FMN2: variants seen among roughly 807,000 people sequenced by gnomAD.
FMN2 encodes formin 2, also known as formin-2.
FMN2 carries 51 observed loss-of-function variants against 142.3 expected under a neutral mutation model. The ratio of observed to expected loss-of-function variants is 0.36; its 90% CI spans 0.29 to 0.45. The LOEUF is 0.45. Ranked by LOEUF, FMN2 falls within the 20% of genes least tolerant of loss-of-function variation. The probability of loss-of-function intolerance (pLI) is 1.00; values close to 1 mark genes in which losing one functional copy is unlikely to be tolerated. For missense variants in FMN2, 1,936 were observed against 2,122.8 expected (o/e 0.91, Z 1.73); for synonymous variants, 882 against 869.8 (o/e 1.01, Z -0.25).
intron 1 of FMN2, among the ~76,000 whole-genome samples, chr1:240,102,678 G>T (rs1661455434): frequency 6.6e-6 from 1 of 152,016 alleles, no homozygotes; most frequent in African/African-American, 2.4e-5. Context: ...TTCTTTCAGG[G>T]TATAGGGATT....
intron 15 of FMN2, among the ~76,000 whole-genome samples, chr1:240,429,486 A>G (rs978682055): frequency 2.6e-5 from 4 of 152,268 alleles, no homozygotes; most frequent in Non-Finnish European, 2.9e-5. Flanking sequence ...CGTAATTTGT[A>G]AACATTAAAA....
rs140226992 is a variant in FMN2, at chr1:240,269,464, A to C, written c.4153+11432A>C. 8.2e-3 allele frequency among the ~76,000 whole-genome samples: 1,245 copies of C among 152,110 alleles called. 19 individuals carry two copies. The highest frequency in any genetic ancestry group is 0.028 in the African/African-American group (1,162 of 41,520). On this transcript the variant is annotated intron_variant, in intron 7 of 17. Transcript: ENST00000319653. Reference sequence around the variant, plus strand: ...TACTATAGCTTTGTAATATATTTTCAAATCTGGTTGTGTGATTTCTCTGGT... The same window carrying C: ...TACTATAGCTTTGTAATATATTTTCCAATCTGGTTGTGTGATTTCTCTGGT...
Position 240,362,577 on chromosome 1 carries a change from A to G in FMN2, c.4858+6669A>G, listed in dbSNP as rs190582627. On this transcript the variant is annotated intron_variant, in intron 14 of 17. Transcript: ENST00000319653. ...TGGACAAAGTATACACACAAAAAACATATTATCGCTGAACTATAAAGAACC... is the reference window on the plus strand; with the variant it reads ...TGGACAAAGTATACACACAAAAAACGTATTATCGCTGAACTATAAAGAACC... 3.4e-3 allele frequency among the ~76,000 whole-genome samples: 512 copies of G among 152,296 alleles called. 2 individuals carry two copies. Among genetic ancestry groups the G allele is most frequent in the Non-Finnish European group, 5.9e-3 (401 of 68,028 alleles).
chr1:240,240,267 T>C (rs1419762884), intron 6 of FMN2, among the ~76,000 whole-genome samples: 2 of 152,158 alleles, frequency 1.3e-5, no homozygotes, highest in Non-Finnish European at 2.9e-5. Flanking sequence ...TTTATGGATA[T>C]GTGACCTTGA....
intron 3 of FMN2, among the ~76,000 whole-genome samples, chr1:240,182,598 T>A (rs934437907): frequency 2.0e-5 from 3 of 152,202 alleles, no homozygotes; most frequent in African/African-American, 7.2e-5. Context: ...CTTATAAATA[T>A]GTAAAATGTA....
At chr1:240,248,222 ATCTCACTTAAGGCTTT>A (rs1213088784) in intron 6 of FMN2, among the ~76,000 whole-genome samples, 2 of 151,880 alleles carry the variant, frequency 1.3e-5, no homozygotes, top group East Asian at 1.9e-4. Flanking sequence ...TACCTGGCTT[ATCTCACTTAAGGCTTT>A]TCTCACTTTC....
intron 2 of FMN2, among the ~76,000 whole-genome samples, chr1:240,166,173 A>G (rs539102583): frequency 8.7e-5 from 13 of 149,552 alleles, no homozygotes; most frequent in Middle Eastern, 3.5e-3. Flanking sequence ...ATATATAAAT[A>G]AACGTTACCT....
intron 16 of FMN2, among the ~76,000 whole-genome samples, chr1:240,446,867 T>C (rs1292951352): frequency 1.3e-5 from 2 of 152,140 alleles, no homozygotes; most frequent in Admixed American, 6.5e-5. Flanking sequence ...AATTTCCACA[T>C]TCACACACTC....
chr1:240,463,559 G>A (rs891343852), intron 16 of FMN2, among the ~76,000 whole-genome samples: 4 of 152,176 alleles, frequency 2.6e-5, no homozygotes, highest in Non-Finnish European at 5.9e-5. Context: ...ATACTATGGA[G>A]GCCAGATTAG....
At chr1:240,262,874 C>T (rs1216793817) in intron 7 of FMN2, among the ~76,000 whole-genome samples, 1 of 151,218 alleles carries the variant, frequency 6.6e-6, no homozygotes, top group Non-Finnish European at 1.5e-5. Flanking sequence ...AATTCTTATC[C>T]CTCAGCCCCC....
At chr1:240,177,358 AT>A (rs1315274611) in intron 2 of FMN2, among the ~76,000 whole-genome samples, 4 of 138,746 alleles carry the variant, frequency 2.9e-5, no homozygotes, top group Admixed American at 7.1e-5. Context: ...TCCCTATTCA[AT>A]TCTTTTTTTT....
chr1:240,174,674 T>C (rs1402733224), intron 2 of FMN2, among the ~76,000 whole-genome samples: 1 of 152,178 alleles, frequency 6.6e-6, no homozygotes, highest in East Asian at 1.9e-4. Context: ...TACAGTTCAG[T>C]TGTTTTCTTA....
At chr1:240,141,911 G>C (rs921005563) in intron 2 of FMN2, among the ~76,000 whole-genome samples, 1 of 152,062 alleles carries the variant, frequency 6.6e-6, no homozygotes, top group African/African-American at 2.4e-5. Flanking sequence ...CGGCCTGGGG[G>C]AACCAGATGC....
At chr1:240,335,308 T>C (rs1296214675) in intron 13 of FMN2, among the ~76,000 whole-genome samples, 2 of 152,194 alleles carry the variant, frequency 1.3e-5, no homozygotes, top group African/African-American at 4.8e-5. Context: ...TTGGTGCTCA[T>C]TGACTGAGGC....
intron 2 of FMN2, among the ~76,000 whole-genome samples, chr1:240,141,696 G>A (rs1317738924): frequency 6.6e-6 from 1 of 152,136 alleles, no homozygotes; most frequent in Non-Finnish European, 1.5e-5. Flanking sequence ...ATGGTGAAAT[G>A]AGAACTTTGA....
At chr1:240,260,254 C>T (rs1477296689) in intron 7 of FMN2, among the ~76,000 whole-genome samples, 1 of 152,124 alleles carries the variant, frequency 6.6e-6, no homozygotes, top group Non-Finnish European at 1.5e-5. Context: ...TTCTTTTCCT[C>T]TGGGTAGATA....
chr1:240,296,438 C>CTTTTTTTTTTTTTTTTGTTT (rs1669986935), intron 8 of FMN2, among the ~76,000 whole-genome samples: 1 of 46,910 alleles, frequency 2.1e-5, no homozygotes. Flanking sequence ...TCTTTGAGTG[C>CTTTTTTTTTTTTTTTTGTTT]TTTTTTTTTT....
intron 6 of FMN2, among the ~76,000 whole-genome samples, chr1:240,244,773 A>G (rs1572109517): frequency 6.6e-6 from 1 of 152,180 alleles, no homozygotes; most frequent in East Asian, 1.9e-4. Context: ...GACTTTTCAG[A>G]AGGTTGAGCA....
intron 6 of FMN2, among the ~76,000 whole-genome samples, chr1:240,229,331 C>G (rs1371932720): frequency 6.6e-6 from 1 of 152,078 alleles, no homozygotes; most frequent in African/African-American, 2.4e-5. Flanking sequence ...CCCCACCATT[C>G]TTCCCCCTCT....
Sources: gnomAD v4.1 joint callset for allele counts (sites outside exome capture counted in the v4.1 genomes callset) on GRCh38, gnomAD v4.1.1 for gene constraint, MANE v1.5 for transcripts, NCBI Gene and HGNC (gene_info 2026-07-23, HGNC 2026-07-21) for gene names.